The following RAB11FIP5 variants were observed in gnomAD, a reference collection of about 807,000 sequenced individuals.
The protein encoded by RAB11FIP5 is RAB11 family interacting protein 5, also known as rab11 family-interacting protein 5.
RAB11FIP5 carries 48 observed loss-of-function variants against 85.1 expected under a neutral mutation model. The ratio of observed to expected loss-of-function variants is 0.56; its 90% CI spans 0.45 to 0.72. The LOEUF is 0.72. RAB11FIP5 is among the 30% of genes least tolerant of loss of function. RAB11FIP5 has a pLI of 0.00. For missense variants in RAB11FIP5, 1,491 were observed against 1,687.0 expected (o/e 0.88, Z 2.04); for synonymous variants, 729 against 727.3 (o/e 1.00, Z -0.04).
At position 73,080,314 on chromosome 2, in the gene RAB11FIP5, G is replaced by A. The variant is rs1683947743; in HGVS notation, c.2918C>T (p.Pro973Leu). 1 of 1,233,040 alleles carries A rather than the reference G, an allele frequency of 8.1e-7. No individual in the cohort carries two copies. The highest frequency in any genetic ancestry group is 4.1e-5 in the South Asian group (1 of 24,338). The allele number at this position is 1,233,040 out of a possible 1,614,324, so 76.4% of individuals were successfully genotyped here. Residue 973 changes from proline to leucine, a missense_variant, in exon 4 of 6, where the codon CCT becomes CTT. Physicochemically the swap from Pro to Leu is moderately conservative, Grantham distance 98. Transcript: ENST00000486777. ...SCSSATLLGQPGLEELVEDAS... is the reference protein window; with the variant it reads ...SCSSATLLGQLGLEELVEDAS... ...ATCCTCCACTAGCTCTTCCAGGCCA[G>A]GCTGGCCCAGCAGGGTTGCAGAGGA...
chr2:73,076,577 C>T (rs949389363), intron 4 of RAB11FIP5, among the ~76,000 whole-genome samples: 6 of 152,148 alleles, frequency 3.9e-5, no homozygotes, highest in Non-Finnish European at 7.4e-5. Flanking sequence ...GACCAACCCT[C>T]CCAAGTTCCC....
intron 1 of RAB11FIP5, among the ~76,000 whole-genome samples, chr2:73,107,658 G>A (rs1012594621): frequency 6.6e-6 from 1 of 152,106 alleles, no homozygotes; most frequent in Non-Finnish European, 1.5e-5. Context: ...ACCCCAAGAC[G>A]CTGCTGCTCA....
At chr2:73,109,901 T>C (rs1684606895) in intron 1 of RAB11FIP5, among the ~76,000 whole-genome samples, 11 of 152,240 alleles carry the variant, frequency 7.2e-5, no homozygotes, top group Admixed American at 6.5e-4. Flanking sequence ...CCACCTACCA[T>C]GTACAGGGAC....
At chr2:73,083,746 C>T (rs1684043859) in intron 3 of RAB11FIP5, among the ~76,000 whole-genome samples, 1 of 152,192 alleles carries the variant, frequency 6.6e-6, no homozygotes, top group Non-Finnish European at 1.5e-5. Context: ...TACACCACCA[C>T]CAGGTCAAGA....
At position 73,112,012 on chromosome 2, in the gene RAB11FIP5, A is replaced by T. The variant is rs557399562; in HGVS notation, c.431+335T>A. Among the ~76,000 whole-genome samples, 6 of 152,220 alleles carry T rather than the reference A, an allele frequency of 3.9e-5. No homozygotes were observed. In the East Asian group the frequency reaches 1.2e-3, roughly 29 times the overall value. ...GGAGGCAGGCCCGGAGGTTCTAAGAACGGCCCCAAGATTTCCCTTCTTGAG... is the reference window on the plus strand; with the variant it reads ...GGAGGCAGGCCCGGAGGTTCTAAGATCGGCCCCAAGATTTCCCTTCTTGAG... On this transcript the variant is annotated intron_variant, in intron 1 of 5. Transcript: ENST00000486777.
chr2:73,097,394 G>A (rs182923242), intron 1 of RAB11FIP5, among the ~76,000 whole-genome samples: 73 of 152,240 alleles, frequency 4.8e-4, no homozygotes, highest in African/African-American at 1.7e-3. Flanking sequence ...GTGTGCACAC[G>A]CATGTGTCCC....
At chr2:73,083,314 G>A (rs1025622699) in intron 3 of RAB11FIP5, among the ~76,000 whole-genome samples, 1 of 152,180 alleles carries the variant, frequency 6.6e-6, no homozygotes, top group African/African-American at 2.4e-5. Flanking sequence ...ACCAGGGGCG[G>A]ACCACAGGAA....
Position 73,081,170 on chromosome 2 carries a change from C to G in RAB11FIP5, c.2062G>C (p.Ala688Pro). 1 of 1,232,644 alleles carries G rather than the reference C, an allele frequency of 8.1e-7. No individual in the cohort carries two copies. Among genetic ancestry groups the G allele is most frequent in the Non-Finnish European group, 1.0e-6 (1 of 988,352 alleles). 76.4% of individuals were successfully genotyped at this position (1,232,644 alleles called of 1,614,324 possible). The change falls in exon 4 of 6, where the codon GCC becomes CCC. Residue 688 changes from alanine to proline, a missense_variant. Coordinates refer to ENST00000486777, the MANE Select transcript of RAB11FIP5 (RefSeq NM_001371272.1). The surrounding 1 kb of genome is among the most constrained non-coding windows in gnomAD (Gnocchi z 4.2). The stretch of plus-strand genomic sequence containing the variant: ...GGCTCAGCTGCCTTCGCAGTCATGG[C>G]CCCAGGGCCTGGGTCTTGCAGCCCT... ...AAGLQDPGPG[A>P]MTAKAAEPQG...
chr2:73,095,319 A>G (rs1684295730), intron 1 of RAB11FIP5, among the ~76,000 whole-genome samples: 1 of 152,272 alleles, frequency 6.6e-6, no homozygotes, highest in Non-Finnish European at 1.5e-5. Context: ...AGGCACACGC[A>G]GCTACTGATG....
chr2:73,088,374 G>A lies in RAB11FIP5; in HGVS notation c.1244C>T (p.Pro415Leu), dbSNP rs1215323060. The A allele has an allele frequency of 6.2e-7, 1 of 1,613,688 alleles. No individual in the cohort carries two copies. Among genetic ancestry groups the A allele is most frequent in the African/African-American group, 1.3e-5 (1 of 74,926 alleles). The change falls in exon 3 of 6, where the codon CCT (proline) becomes CTT (leucine). Residue 415 changes from proline to leucine, a missense_variant. Coordinates refer to ENST00000486777, the MANE Select transcript of RAB11FIP5 (RefSeq NM_001371272.1). The stretch of plus-strand genomic sequence containing the variant: ...CTCCTCTCCAGGGTGGCTGGCCCCA[G>A]GGGCCAGGACTTTAGCCTGAGCACT... ...ELSAQAKVLA[P>L]GASHPGEEEG...
At chr2:73,087,729 G>T (rs897031237) in intron 3 of RAB11FIP5, among the ~76,000 whole-genome samples, 1 of 152,172 alleles carries the variant, frequency 6.6e-6, no homozygotes, top group Non-Finnish European at 1.5e-5. Context: ...AGGAAGCAAA[G>T]AATTCACACA....
intron 1 of RAB11FIP5, among the ~76,000 whole-genome samples, chr2:73,104,622 G>C (rs112410611): frequency 6.6e-6 from 1 of 152,136 alleles, no homozygotes; most frequent in Non-Finnish European, 1.5e-5. Flanking sequence ...AAGTCCTGCT[G>C]TTTTGCTGAG....
chr2:73,111,538 C>T (rs546276514), intron 1 of RAB11FIP5, among the ~76,000 whole-genome samples: 73 of 152,338 alleles, frequency 4.8e-4, no homozygotes, highest in African/African-American at 1.7e-3. Flanking sequence ...GATCTTAACA[C>T]AGGCAAGGTT....
rs1683845858 is a variant in RAB11FIP5, at chr2:73,075,770, C to A, written c.3772-46G>T. ...GTGAGCAGGGCAGCCCTAGGCCTGC[C>A]TGCCTGCCTGCCCGCTTGCCCGCCC... is the stretch of plus-strand genomic sequence containing the variant. On this transcript the variant is annotated intron_variant, in intron 5 of 5. Transcript: ENST00000486777. The surrounding 1 kb of genome is among the most constrained non-coding windows in gnomAD (Gnocchi z 4.6). The A allele has an allele frequency of 1.3e-6, 2 of 1,529,728 alleles. No individual in the cohort carries two copies. The highest frequency in any genetic ancestry group is 2.5e-5 in the South Asian group (2 of 80,398). The allele number at this position is 1,529,728 out of a possible 1,614,324, so 94.8% of individuals were successfully genotyped here. A position where few individuals can be genotyped will look rare whatever the true frequency, so the allele number is the denominator to read the frequency against.
Position 73,088,467 on chromosome 2 carries a change from T to C in RAB11FIP5, c.1151A>G (p.Asp384Gly). 1 of 1,613,986 alleles carries C rather than the reference T, an allele frequency of 6.2e-7. No homozygotes were observed. Among genetic ancestry groups the C allele is most frequent in the Non-Finnish European group, 8.5e-7 (1 of 1,180,032 alleles). ...RFSEEGPRST[D>G]DTWPRGSRSN... ...ACGACTGCCTCTGGGCCAGGTGTCA[T>C]CTGTGGAACGAGGCCCCTCCTCGGA... Residue 384 changes from aspartate (D) to glycine (G), a missense_variant, in exon 3 of 6, where the codon GAT becomes GGT. By Grantham distance (94) the Asp-to-Gly change is moderately conservative. Coordinates refer to ENST00000486777, the MANE Select transcript of RAB11FIP5 (RefSeq NM_001371272.1).
rs1304010682 is a variant in RAB11FIP5, at chr2:73,088,564, C to A, written c.1054G>T (p.Val352Leu). Reference protein sequence around the residue: ...HIYNEEPQGPVRHRSSISGSL... With the variant: ...HIYNEEPQGPLRHRSSISGSL... ...CCCGAGATGGAGCTGCGGTGCCGCA[C>A]AGGGCCCTGGGGCTCCTCATTGTAA... is the stretch of plus-strand genomic sequence containing the variant. The change falls in exon 3 of 6, where the codon GTG becomes TTG. Residue 352 changes from valine to leucine, a missense_variant. Transcript: ENST00000486777. The A allele has an allele frequency of 1.9e-6, 3 of 1,613,900 alleles. No homozygotes were observed. The highest frequency in any genetic ancestry group is 2.5e-6 in the Non-Finnish European group (3 of 1,180,050).
intron 1 of RAB11FIP5, among the ~76,000 whole-genome samples, chr2:73,105,952 G>A (rs1411806432): frequency 1.3e-5 from 2 of 152,138 alleles, no homozygotes. Flanking sequence ...CAGCACTTTG[G>A]GAAGCTGAGG....
chr2:73,091,996 G>C (rs1370154710), intron 1 of RAB11FIP5, among the ~76,000 whole-genome samples: 1 of 152,228 alleles, frequency 6.6e-6, no homozygotes, highest in Non-Finnish European at 1.5e-5. Context: ...GAGACAGACA[G>C]ACTGGAGGAT....
At chr2:73,112,014 G>A (rs909996322) in intron 1 of RAB11FIP5, among the ~76,000 whole-genome samples, 6 of 152,120 alleles carry the variant, frequency 3.9e-5, no homozygotes, top group African/African-American at 1.2e-4. Context: ...TTCTAAGAAC[G>A]GCCCCAAGAT....
Sources: allele counts gnomAD v4.1 joint callset (sites outside exome capture counted in the v4.1 genomes callset), GRCh38; gene constraint gnomAD v4.1.1; non-coding constraint Gnocchi (gnomAD v3.1); transcripts MANE v1.5; gene names NCBI Gene and HGNC (gene_info 2026-07-23, HGNC 2026-07-21).